TAX1BP1: variants seen among roughly 807,000 people sequenced by gnomAD.
TAX1BP1 encodes the protein tax1-binding protein 1.
A neutral mutation model predicts 97.7 loss-of-function variants in TAX1BP1; 62 were observed. That is an observed-to-expected ratio of 0.63 (90% CI 0.52 to 0.78). The LOEUF (loss-of-function observed/expected upper bound fraction) is 0.78, where lower values mean the gene tolerates loss of function less well. Ranked by LOEUF, TAX1BP1 falls within the 30% of genes least tolerant of loss-of-function variation. The pLI is 0.00. For missense variants in TAX1BP1, 867 were observed against 916.1 expected, an observed-to-expected ratio of 0.95 and a Z score of 0.69; for synonymous variants, 340 against 304.2, an observed-to-expected ratio of 1.12 and a Z score of -1.23.
intron 15 of TAX1BP1, among the ~76,000 whole-genome samples, chr7:27,819,276 A>G (rs535696986): frequency 2.6e-5 from 4 of 152,274 alleles, no homozygotes; most frequent in South Asian, 2.1e-4. Flanking sequence ...AAAAAAAAGA[A>G]AAAACTACAC....
intron 13 of TAX1BP1, among the ~76,000 whole-genome samples, chr7:27,808,447 G>C (rs922206388): frequency 2.0e-5 from 3 of 152,192 alleles, no homozygotes; most frequent in African/African-American, 7.2e-5. Context: ...ACTGTGAAAA[G>C]CACATCTAAC....
chr7:27,755,256 C>T (rs539885083), intron 2 of TAX1BP1, among the ~76,000 whole-genome samples: 12 of 152,026 alleles, frequency 7.9e-5, no homozygotes, highest in African/African-American at 1.9e-4. Context: ...TTTTTGTGGG[C>T]GTTTTTCCTC....
At chr7:27,780,890 A>C (rs965085756) in intron 5 of TAX1BP1, among the ~76,000 whole-genome samples, 3 of 152,186 alleles carry the variant, frequency 2.0e-5, no homozygotes, top group Non-Finnish European at 4.4e-5. Context: ...CTGTACAATG[A>C]AGCATTTTCA....
chr7:27,772,974 C>T (rs1283021022), intron 5 of TAX1BP1, among the ~76,000 whole-genome samples: 4 of 151,938 alleles, frequency 2.6e-5, no homozygotes, highest in African/African-American at 7.3e-5. Flanking sequence ...TCTGGTTCAA[C>T]TGTAAGGGAA....
chr7:27,822,158 T>A (rs947767907), intron 15 of TAX1BP1, among the ~76,000 whole-genome samples: 23 of 152,194 alleles, frequency 1.5e-4, no homozygotes, highest in African/African-American at 5.3e-4. Flanking sequence ...TAATGAAGTA[T>A]TACAAAATCT....
chr7:27,758,777 G>A (rs1041355562), intron 3 of TAX1BP1, among the ~76,000 whole-genome samples: 139 of 152,220 alleles, frequency 9.1e-4, no homozygotes, highest in African/African-American at 3.3e-3. Flanking sequence ...AAGTAGAATG[G>A]TGGTCTGCAG....
chr7:27,794,626 A>G (rs1374055504), intron 11 of TAX1BP1, among the ~76,000 whole-genome samples, 180 bp downstream of exon 11: 2 of 152,212 alleles, frequency 1.3e-5, no homozygotes, highest in Non-Finnish European at 2.9e-5. Context: ...AGTGGTGAAT[A>G]TACACAACAT....
intron 11 of TAX1BP1, among the ~76,000 whole-genome samples, chr7:27,795,340 G>T (rs1789879312): frequency 6.6e-6 from 1 of 151,990 alleles, no homozygotes; most frequent in South Asian, 2.1e-4. Context: ...GGGTATGGTG[G>T]CATGCGCTTG....
intron 13 of TAX1BP1, among the ~76,000 whole-genome samples, 175 bp downstream of exon 13, chr7:27,800,265 G>A (rs1390048603): frequency 6.6e-6 from 1 of 152,066 alleles, no homozygotes; most frequent in Non-Finnish European, 1.5e-5. Flanking sequence ...ACTTTGAATT[G>A]AGAAAATGGA....
chr7:27,786,469 A>G (rs1367644073), intron 7 of TAX1BP1, among the ~76,000 whole-genome samples: 1 of 152,166 alleles, frequency 6.6e-6, no homozygotes, highest in Non-Finnish European at 1.5e-5. Flanking sequence ...TAGGGTAGTT[A>G]GCTTAATTGT....
intron 16 of TAX1BP1, 137 bp from the exon 17 acceptor site, chr7:27,828,491 T>G: frequency 1.4e-6 from 1 of 727,766 alleles, no homozygotes; most frequent in Non-Finnish European, 2.2e-6. Flanking sequence ...GAGAAATGTT[T>G]CTGGAGTAAA....
intron 8 of TAX1BP1, among the ~76,000 whole-genome samples, chr7:27,791,050 T>C (rs1451584498): frequency 6.6e-6 from 1 of 152,128 alleles, no homozygotes; most frequent in Non-Finnish European, 1.5e-5. Context: ...CAAGTATTAT[T>C]ATACCTTTCT....
chr7:27,821,289 G>A (rs1790963528), intron 15 of TAX1BP1, among the ~76,000 whole-genome samples: 1 of 152,094 alleles, frequency 6.6e-6, no homozygotes, highest in African/African-American at 2.4e-5. Flanking sequence ...AAATGTGTTT[G>A]TTCCATTTTT....
rs143082300 is a variant in TAX1BP1 at position 27,795,984 on chromosome 7, A to G, written c.1535-132A>G. On this transcript the variant is annotated intron_variant, in intron 11 of 16. Coordinates refer to ENST00000396319, the MANE Select transcript of TAX1BP1 (RefSeq NM_006024.7). ...CCTTCTTTGTATATCTAGGATATGA[A>G]TAGATATTTCTGTCCTTCAGCATTC... is the stretch of plus-strand genomic sequence containing the variant. 268 of 634,138 alleles carry G rather than the reference A, an allele frequency of 4.2e-4. 3 individuals are homozygous for G. In the African/African-American group the frequency reaches 4.2e-3, roughly 10 times the overall value. The allele number at this position is 634,138 out of a possible 1,614,324, so 39.3% of individuals were successfully genotyped here. A position where few individuals can be genotyped will look rare whatever the true frequency, so the allele number is the denominator to read the frequency against.
At chr7:27,790,340 G>C (rs1789658207) in intron 8 of TAX1BP1, among the ~76,000 whole-genome samples, 1 of 151,786 alleles carries the variant, frequency 6.6e-6, no homozygotes, top group African/African-American at 2.4e-5. Flanking sequence ...TAAGCATCCT[G>C]CAGTAAACAT....
At chr7:27,781,859 C>G (rs572016765) in intron 5 of TAX1BP1, among the ~76,000 whole-genome samples, 6 of 151,898 alleles carry the variant, frequency 4.0e-5, no homozygotes, top group Non-Finnish European at 8.8e-5. Flanking sequence ...ACTGGGATTA[C>G]AGGTGCACGC....
chr7:27,814,563 G>C (rs1790690071), intron 13 of TAX1BP1, among the ~76,000 whole-genome samples: 1 of 151,964 alleles, frequency 6.6e-6, no homozygotes, highest in Admixed American at 6.6e-5. Context: ...TTAGTGTATA[G>C]GCTTTGCACA....
chr7:27,803,386 C>G (rs970458435), intron 13 of TAX1BP1, among the ~76,000 whole-genome samples: 2 of 152,174 alleles, frequency 1.3e-5, no homozygotes, highest in African/African-American at 4.8e-5. Context: ...TGACTTACAG[C>G]AAAACCTCAC....
At chr7:27,776,822 CT>C (rs1038300983) in intron 5 of TAX1BP1, among the ~76,000 whole-genome samples, 46 of 146,034 alleles carry the variant, frequency 3.1e-4, no homozygotes, top group South Asian at 4.3e-4. Flanking sequence ...TTCACTTGTG[CT>C]TTTTTTTTAA....
Sources: gnomAD v4.1 joint callset for allele counts (sites outside exome capture counted in the v4.1 genomes callset) on GRCh38, gnomAD v4.1.1 for gene constraint, MANE v1.5 for transcripts, NCBI Gene and HGNC (gene_info 2026-07-23, HGNC 2026-07-21) for gene names.